SLC13A3: variants seen among roughly 807,000 people sequenced by gnomAD.
SLC13A3 encodes the protein solute carrier family 13 member 3, also known as Na(+)/dicarboxylate cotransporter 3.
Under a neutral mutation model 59.0 loss-of-function variants are expected in SLC13A3, and 40 were observed. The observed-to-expected ratio is 0.68, with a 90% CI of 0.53 to 0.88. The LOEUF (loss-of-function observed/expected upper bound fraction) is 0.88, where lower values mean the gene tolerates loss of function less well. SLC13A3 is among the 40% of genes least tolerant of loss of function. The pLI is 0.00. For missense variants in SLC13A3, 699 were observed against 783.2 expected, an observed-to-expected ratio of 0.89 and a Z score of 1.28; for synonymous variants, 317 against 330.3, an observed-to-expected ratio of 0.96 and a Z score of 0.44.
intron 3 of SLC13A3, 34 bp from the exon 4 acceptor site, chr20:46,600,071 T>C (rs375754944): frequency 6.6e-7 from 1 of 1,523,582 alleles, no homozygotes; most frequent in Non-Finnish European, 8.9e-7. Context: ...TTTAATGTAA[T>C]GTAGCGAATG....
intron 9 of SLC13A3, among the ~76,000 whole-genome samples, chr20:46,582,406 G>C (rs1283810845): frequency 6.6e-6 from 1 of 151,484 alleles, no homozygotes; most frequent in African/African-American, 2.4e-5. Flanking sequence ...GGGATTACAG[G>C]TGTGAGCTAC....
At chr20:46,609,017 T>A (rs938935893) in intron 3 of SLC13A3, 3 of 1,550,646 alleles carry the variant, frequency 1.9e-6, no homozygotes, top group Non-Finnish European at 1.7e-6. Flanking sequence ...GAGCTTGAAG[T>A]TTCAGCCTTT....
intron 1 of SLC13A3, among the ~76,000 whole-genome samples, chr20:46,676,259 C>T (rs2063124933): frequency 6.6e-6 from 1 of 152,000 alleles, no homozygotes; most frequent in Admixed American, 6.6e-5. Context: ...CCCATATAAA[C>T]ATGCCTGCAG....
At chr20:46,562,552 A>T (rs1052907497) in intron 12 of SLC13A3, among the ~76,000 whole-genome samples, 5 of 151,998 alleles carry the variant, frequency 3.3e-5, no homozygotes, top group Non-Finnish European at 5.9e-5. Flanking sequence ...GCACCTAGCA[A>T]TATTGAAATT....
intron 4 of SLC13A3, among the ~76,000 whole-genome samples, chr20:46,597,684 G>A (rs761840848): frequency 1.3e-5 from 2 of 152,174 alleles, no homozygotes; most frequent in Admixed American, 1.3e-4. Flanking sequence ...TAATCTGCCC[G>A]CCTTGGCCTC....
chr20:46,648,195 G>C (rs965136748), intron 1 of SLC13A3, among the ~76,000 whole-genome samples: 1 of 151,598 alleles, frequency 6.6e-6, no homozygotes, highest in Admixed American at 6.6e-5. Context: ...CCCATGTCCC[G>C]TTTTGCACCG....
At chr20:46,656,259 A>T (rs1016064207), upstream of SLC13A3, among the ~76,000 whole-genome samples, 19 of 138,382 alleles carry the variant, frequency 1.4e-4, no homozygotes, top group Non-Finnish European at 2.6e-4. Flanking sequence ...CTGTATACTT[A>T]TATAGACTGT....
intron 2 of SLC13A3, 100 bp from the exon 3 acceptor site, chr20:46,610,709 T>C: frequency 1.0e-6 from 1 of 988,506 alleles, no homozygotes; most frequent in Non-Finnish European, 1.5e-6. Flanking sequence ...CCATCCATTT[T>C]ACAGATGGAA....
intron 8 of SLC13A3, chr20:46,584,597 T>C (rs553485196): frequency 1.5e-6 from 1 of 645,816 alleles, no homozygotes; most frequent in South Asian, 6.9e-5. Context: ...ATCAAAACAC[T>C]AATGGTATAC....
At chr20:46,653,890 C>T (rs1024553708), upstream of SLC13A3, among the ~76,000 whole-genome samples, 8 of 152,216 alleles carry the variant, frequency 5.3e-5, no homozygotes, top group African/African-American at 1.9e-4. Flanking sequence ...GTGAGTAATG[C>T]AGCTATAAAC....
At chr20:46,651,754 A>G (rs2062953957), upstream of SLC13A3, among the ~76,000 whole-genome samples, 1 of 152,178 alleles carries the variant, frequency 6.6e-6, no homozygotes, top group Non-Finnish European at 1.5e-5. Flanking sequence ...ATGGCTGAGG[A>G]TGACAAGGCG....
intron 8 of SLC13A3, chr20:46,585,676 G>C: frequency 5.4e-6 from 7 of 1,294,602 alleles, no homozygotes; most frequent in Non-Finnish European, 7.1e-6. Flanking sequence ...ATCAGAATTA[G>C]AGACTGAGAT....
chr20:46,634,284 C>G (rs574967818), intron 1 of SLC13A3, among the ~76,000 whole-genome samples: 85 of 152,172 alleles, frequency 5.6e-4, no homozygotes, highest in African/African-American at 2.0e-3. Flanking sequence ...TTTCGTGTGC[C>G]CACTTTCCAG....
At chr20:46,681,157 A>G (rs1366117715) in intron 1 of SLC13A3, among the ~76,000 whole-genome samples, 1 of 152,244 alleles carries the variant, frequency 6.6e-6, no homozygotes, top group Non-Finnish European at 1.5e-5. Flanking sequence ...GAAGAGCCAG[A>G]CGCAGCCCAT....
upstream of SLC13A3, among the ~76,000 whole-genome samples, chr20:46,656,138 A>G (rs1470024521): frequency 1.4e-5 from 2 of 143,460 alleles, no homozygotes; most frequent in African/African-American, 2.5e-5. Context: ...CACACAGTCT[A>G]TATTATACTG....
At chr20:46,641,341 G>A (rs6090534) in intron 1 of SLC13A3, among the ~76,000 whole-genome samples, 31,279 of 152,112 alleles carry the variant, frequency 0.21, 6,024 homozygotes, top group African/African-American at 0.49. Flanking sequence ...GGCTGCCATA[G>A]AGCACACTAT....
chr20:46,628,402 C>T (rs2062699824), intron 1 of SLC13A3, among the ~76,000 whole-genome samples: 1 of 152,160 alleles, frequency 6.6e-6, no homozygotes, highest in South Asian at 2.1e-4. Context: ...TCCCAGCCTA[C>T]TCCCTCTGCC....
At chr20:46,630,643 G>A (rs2062727398) in intron 1 of SLC13A3, among the ~76,000 whole-genome samples, 1 of 152,214 alleles carries the variant, frequency 6.6e-6, no homozygotes, top group Non-Finnish European at 1.5e-5. Context: ...CTTCAGAAAG[G>A]TGAATGGAAT....
Position 46,608,724 on chromosome 20 carries a change from A to G in SLC13A3, c.541+1722T>C, listed in dbSNP as rs1012936455. On this transcript the variant is annotated intron_variant, in intron 3 of 12. Coordinates refer to ENST00000279027, the MANE Select transcript of SLC13A3 (RefSeq NM_022829.6). ...CGGATCAACATTTAAGTTTTAACAGATACGTATTTAATTTAATTCATATTT... is the reference window on the plus strand; with the variant it reads ...CGGATCAACATTTAAGTTTTAACAGGTACGTATTTAATTTAATTCATATTT... 6.9e-6 allele frequency: 6 copies of G among 864,634 alleles called. No homozygotes were observed. In the African/African-American group the frequency reaches 8.4e-5, roughly 12 times the overall value. The allele number at this position is 864,634 out of a possible 1,614,324, so 53.6% of individuals were successfully genotyped here.
Sources: gnomAD v4.1 joint callset for allele counts (sites outside exome capture counted in the v4.1 genomes callset) on GRCh38, gnomAD v4.1.1 for gene constraint, MANE v1.5 for transcripts, NCBI Gene and HGNC (gene_info 2026-07-23, HGNC 2026-07-21) for gene names.